Variants in DTHD1 observed in about 807,000 individuals in gnomAD.
DTHD1 encodes death domain-containing protein 1.
A neutral mutation model predicts 74.8 loss-of-function variants in DTHD1; 59 were observed. The observed-to-expected ratio is 0.79, with a 90% CI of 0.64 to 0.98. DTHD1 has a LOEUF of 0.98. DTHD1 is among the 50% of genes least tolerant of loss of function. The probability of loss-of-function intolerance (pLI) is 0.00; values close to 1 mark genes in which losing one functional copy is unlikely to be tolerated. For missense variants in DTHD1, 1,051 were observed against 1,065.4 expected, an observed-to-expected ratio of 0.99 and a Z score of 0.19; for synonymous variants, 365 against 371.1, an observed-to-expected ratio of 0.98 and a Z score of 0.19.
chr4:36,327,623 T>G (rs1420202730), intron 8 of DTHD1, among the ~76,000 whole-genome samples: 1 of 152,216 alleles, frequency 6.6e-6, no homozygotes, highest in African/African-American at 2.4e-5. Context: ...GTGCTTTATG[T>G]GCATTACGTC....
chr4:36,334,480 C>T (rs1244338110), intron 8 of DTHD1, among the ~76,000 whole-genome samples: 1 of 151,770 alleles, frequency 6.6e-6, no homozygotes, highest in South Asian at 2.1e-4. Context: ...TGCCTTCAGA[C>T]TCCTGAGTAG....
chr4:36,308,406 G>A lies in DTHD1; in HGVS notation c.2008G>A (p.Gly670Arg). 6.4e-7 allele frequency: 1 copy of A among 1,551,890 alleles called. No homozygotes were observed. The highest frequency in any genetic ancestry group is 2.4e-5 in the East Asian group (1 of 40,928). Residue 670 changes from glycine (G) to arginine (R), a missense_variant, in exon 7 of 10, where the codon GGA becomes AGA. By Grantham distance (125) the Gly-to-Arg change is moderately radical (BLOSUM62 -2). Coordinates refer to ENST00000639862, the MANE Select transcript of DTHD1 (RefSeq NM_001170700.3). Reference protein sequence around the residue: ...VLKDLHLEGFGGPPEPSRHFQ... With the variant: ...VLKDLHLEGFRGPPEPSRHFQ... Reference sequence around the variant, plus strand: ...TAAGGACCTGCACTTGGAAGGGTTTGGAGGACCTCCAGAGCCATCTCGTCA... The same window carrying A: ...TAAGGACCTGCACTTGGAAGGGTTTAGAGGACCTCCAGAGCCATCTCGTCA...
chr4:36,328,496 CTGTG>C (rs759851130), intron 8 of DTHD1, among the ~76,000 whole-genome samples: 1 of 147,216 alleles, frequency 6.8e-6, no homozygotes. Context: ...GTGTGCATGC[CTGTG>C]GGCATGCACG....
intron 5 of DTHD1, among the ~76,000 whole-genome samples, chr4:36,305,958 A>G (rs1368953988): frequency 6.6e-6 from 1 of 152,182 alleles, no homozygotes. Context: ...TTCTTTAATT[A>G]TCACACAAGT....
At chr4:36,342,448 T>G (rs775999336) in intron 9 of DTHD1, among the ~76,000 whole-genome samples, 3 of 152,052 alleles carry the variant, frequency 2.0e-5, no homozygotes, top group Non-Finnish European at 4.4e-5. Context: ...GTGGCTATAA[T>G]GCAGGGAAGG....
At chr4:36,297,523 A>AT (rs901794183) in intron 5 of DTHD1, among the ~76,000 whole-genome samples, 14 of 151,900 alleles carry the variant, frequency 9.2e-5, no homozygotes, top group African/African-American at 2.4e-4. Context: ...GAAGCAATTA[A>AT]TTTTTTTTGT....
intron 7 of DTHD1, among the ~76,000 whole-genome samples, chr4:36,312,813 C>T (rs1578465819): frequency 6.6e-6 from 1 of 152,122 alleles, no homozygotes; most frequent in African/African-American, 2.4e-5. Context: ...GGAAAGACTG[C>T]CTTTTCTGCT....
Position 36,306,214 on chromosome 4 carries a change from A to C in DTHD1, c.1667A>C (p.Lys556Thr). 6.4e-7 allele frequency: 1 copy of C among 1,551,874 alleles called. No individual in the cohort carries two copies. Among genetic ancestry groups the C allele is most frequent in the Non-Finnish European group, 8.7e-7 (1 of 1,147,010 alleles). The change falls in exon 6 of 10, where the codon AAA becomes ACA. Residue 556 changes from lysine (K) to threonine (T), a missense_variant. Transcript: ENST00000639862. The stretch of plus-strand genomic sequence containing the variant: ...AGGACAAAAATTGCCTCCATAAGAA[A>C]ACCTAGGAAAAATGCCAGTGAATGT... ...FNRTKIASIR[K>T]PRKNASECLK... is the part of the protein sequence containing the mutation.
intron 8 of DTHD1, among the ~76,000 whole-genome samples, chr4:36,327,183 T>A (rs1758401923): frequency 6.6e-6 from 1 of 152,132 alleles, no homozygotes; most frequent in Admixed American, 6.5e-5. Context: ...GTCAGACTGG[T>A]CTCGAACTCC....
intron 8 of DTHD1, among the ~76,000 whole-genome samples, chr4:36,318,333 G>A (rs1476596185): frequency 1.3e-5 from 2 of 152,178 alleles, no homozygotes; most frequent in African/African-American, 4.8e-5. Context: ...TCTGTACTAT[G>A]CTTTAGTACA....
intron 3 of DTHD1, among the ~76,000 whole-genome samples, chr4:36,291,476 T>G (rs548270046): frequency 6.6e-6 from 1 of 152,244 alleles, no homozygotes; most frequent in Non-Finnish European, 1.5e-5. Context: ...GTAATAACTC[T>G]GAGGCTCTGT....
At chr4:36,288,615 G>T (rs189913865) in intron 2 of DTHD1, among the ~76,000 whole-genome samples, 1 of 152,166 alleles carries the variant, frequency 6.6e-6, no homozygotes, top group Non-Finnish European at 1.5e-5. Flanking sequence ...TCAGTTGGCT[G>T]TAAGTATTTG....
intron 3 of DTHD1, among the ~76,000 whole-genome samples, chr4:36,292,993 C>T (rs559808716): frequency 1.8e-4 from 27 of 152,312 alleles, no homozygotes; most frequent in African/African-American, 6.3e-4. Flanking sequence ...GCTCCCACTG[C>T]ACAGAGGAGA....
intron 7 of DTHD1, among the ~76,000 whole-genome samples, chr4:36,314,760 T>G (rs1427468424): frequency 7.2e-6 from 1 of 138,588 alleles, no homozygotes; most frequent in African/African-American, 2.5e-5. Context: ...TTTTTTTTTT[T>G]TTTTTTTTTT....
intron 9 of DTHD1, among the ~76,000 whole-genome samples, chr4:36,341,784 A>G (rs908666453): frequency 1.3e-5 from 2 of 152,200 alleles, no homozygotes; most frequent in African/African-American, 2.4e-5. Flanking sequence ...TGCATAGTTG[A>G]TCACTAGCAG....
intron 8 of DTHD1, among the ~76,000 whole-genome samples, chr4:36,323,563 A>C (rs1411968367): frequency 1.1e-5 from 1 of 90,682 alleles, no homozygotes; most frequent in African/African-American, 2.9e-5. Flanking sequence ...GGAACTTATT[A>C]TGTTATTGCT....
At chr4:36,301,216 T>C (rs1756752368) in intron 5 of DTHD1, among the ~76,000 whole-genome samples, 1 of 152,244 alleles carries the variant, frequency 6.6e-6, no homozygotes, top group South Asian at 2.1e-4. Context: ...CTTTCCCTGC[T>C]AGACACCTTG....
chr4:36,286,671 C>A (rs949926270), intron 2 of DTHD1, among the ~76,000 whole-genome samples: 13 of 152,210 alleles, frequency 8.5e-5, no homozygotes, highest in African/African-American at 3.1e-4. Context: ...GCAAACACTG[C>A]AGAATGTGCA....
intron 5 of DTHD1, among the ~76,000 whole-genome samples, chr4:36,304,986 G>A (rs1478399912): frequency 6.6e-6 from 1 of 152,158 alleles, no homozygotes; most frequent in Non-Finnish European, 1.5e-5. Flanking sequence ...CTGGCTGTTG[G>A]AAATTGGTAT....
Sources: allele counts gnomAD v4.1 joint callset (sites outside exome capture counted in the v4.1 genomes callset), GRCh38; gene constraint gnomAD v4.1.1; transcripts MANE v1.5; gene names NCBI Gene and HGNC (gene_info 2026-07-23, HGNC 2026-07-21).